The following NR2C1 variants were observed in gnomAD, a reference collection of about 807,000 sequenced individuals.
The protein encoded by NR2C1 is TR2 nuclear hormone receptor.
A neutral mutation model predicts 74.8 loss-of-function variants in NR2C1; 33 were observed. The ratio of observed to expected loss-of-function variants is 0.44; its 90% confidence interval spans 0.33 to 0.59. The LOEUF (loss-of-function observed/expected upper bound fraction) is 0.59. Ranked by LOEUF, NR2C1 falls within the 20% of genes least tolerant of loss-of-function variation. The probability of loss-of-function intolerance (pLI) is 0.02; values close to 1 mark genes in which losing one functional copy is unlikely to be tolerated. For missense variants in NR2C1, 568 were observed against 715.6 expected, an observed-to-expected ratio of 0.79 and a Z score of 2.35; for synonymous variants, 225 against 240.6, an observed-to-expected ratio of 0.94 and a Z score of 0.60.
chr12:95,022,854 C>T (rs1287472694), intron 13 of NR2C1, among the ~76,000 whole-genome samples: 1 of 151,088 alleles, frequency 6.6e-6, no homozygotes, highest in African/African-American at 2.4e-5. Flanking sequence ...GCCACTATAC[C>T]TGGCTAATTG....
At position 95,020,916 on chromosome 12, in the gene NR2C1, G is replaced by A. The variant is rs1868714199; in HGVS notation, c.*1313C>T. 1 of 152,172 alleles carries A rather than the reference G, an allele frequency of 6.6e-6. No individual in the cohort carries two copies. The highest frequency in any genetic ancestry group is 6.5e-5 in the Admixed American group (1 of 15,276). 9.4% of individuals were successfully genotyped at this position (152,172 alleles called of 1,614,324 possible). A position where few individuals can be genotyped will look rare whatever the true frequency, so the allele number is the denominator to read the frequency against. ...CCGTGCTTTACAGTGAAAAAAATCA[G>A]TGAATATTTCTTTATTTTAAAAAAT... is the stretch of plus-strand genomic sequence containing the variant. On this transcript the variant is annotated 3_prime_UTR_variant, in exon 14 of 14. Transcript: ENST00000333003.
intron 9 of NR2C1, among the ~76,000 whole-genome samples, chr12:95,044,398 G>T (rs546274774): frequency 3.3e-5 from 5 of 151,482 alleles, no homozygotes; most frequent in African/African-American, 1.2e-4. Context: ...CTCCTGAGTA[G>T]CTGGGATTAC....
intron 2 of NR2C1, among the ~76,000 whole-genome samples, chr12:95,065,067 G>T (rs1480870217): frequency 9.9e-5 from 15 of 152,178 alleles, no homozygotes; most frequent in Admixed American, 9.8e-4. Context: ...CATAATAATT[G>T]TAATAATTGA....
intron 11 of NR2C1, chr12:95,030,735 C>A: frequency 6.2e-7 from 1 of 1,605,602 alleles, no homozygotes; most frequent in South Asian, 1.1e-5. Flanking sequence ...TAAATTATTC[C>A]TGAGCTCAAA....
At chr12:95,064,824 G>T (rs934299867) in intron 2 of NR2C1, among the ~76,000 whole-genome samples, 1 of 152,088 alleles carries the variant, frequency 6.6e-6, no homozygotes, top group Non-Finnish European at 1.5e-5. Context: ...TGTTCCTTCT[G>T]TACCAAATTT....
chr12:95,037,309 A>G (rs1459072171), intron 10 of NR2C1, among the ~76,000 whole-genome samples: 1 of 152,262 alleles, frequency 6.6e-6, no homozygotes, highest in Non-Finnish European at 1.5e-5. Flanking sequence ...TACTCTAAGT[A>G]CTGAAACTAC....
At chr12:95,024,962 A>G (rs1869174426) in intron 13 of NR2C1, among the ~76,000 whole-genome samples, 188 bp downstream of exon 13, 1 of 152,242 alleles carries the variant, frequency 6.6e-6, no homozygotes, top group African/African-American at 2.4e-5. Context: ...TATAAAAAAT[A>G]TAAGAACTGG....
intron 1 of NR2C1, chr12:95,072,503 ACAG>A (rs568151873): frequency 6.6e-6 from 1 of 151,464 alleles, no homozygotes; most frequent in East Asian, 2.0e-4. Flanking sequence ...CACCAACCAC[ACAG>A]CAGAAATGGT....
chr12:95,057,618 T>C lies in NR2C1; in HGVS notation c.718A>G (p.Met240Val). The C allele has an allele frequency of 6.2e-7, 1 of 1,614,084 alleles. No homozygotes were observed. Among genetic ancestry groups the C allele is most frequent in the Non-Finnish European group, 8.5e-7 (1 of 1,179,984 alleles). ...TRSTGLLDSG[M>V]FMNIHPSGVK... ...CCAGATGGATGAATATTCATGAACA[T>C]TCCTGAATCTAACAGTCCTGTTGAC... The change falls in exon 7 of 14, where the codon ATG (methionine) becomes GTG (valine). Residue 240 changes from methionine (M) to valine (V), a missense_variant. By Grantham distance (21) the Met-to-Val change is conservative. Coordinates refer to ENST00000333003, the MANE Select transcript of NR2C1 (RefSeq NM_003297.4).
intron 1 of NR2C1, chr12:95,073,150 C>T (rs1357349515): frequency 6.5e-6 from 1 of 153,398 alleles, no homozygotes; most frequent in African/African-American, 2.4e-5. Flanking sequence ...CCCGCCGCCC[C>T]TGTCGCCCCC....
At chr12:95,033,770 G>C (rs906743686) in intron 10 of NR2C1, among the ~76,000 whole-genome samples, 6 of 152,160 alleles carry the variant, frequency 3.9e-5, no homozygotes, top group African/African-American at 1.4e-4. Flanking sequence ...CTGTATCTCA[G>C]AGACCAATGC....
chr12:95,033,086 G>A (rs1016480784), intron 10 of NR2C1, among the ~76,000 whole-genome samples: 17 of 151,156 alleles, frequency 1.1e-4, no homozygotes, highest in African/African-American at 4.1e-4. Context: ...AGCACACCAT[G>A]ATTGCATCTG....
chr12:95,036,357 G>A (rs1870828885), intron 10 of NR2C1, among the ~76,000 whole-genome samples: 2 of 151,092 alleles, frequency 1.3e-5, no homozygotes, highest in South Asian at 4.2e-4. Context: ...AGAATTGCTT[G>A]AGGCAAGGAG....
At chr12:95,053,679 G>GTTTTTT in intron 7 of NR2C1, among the ~76,000 whole-genome samples, 4 of 122,950 alleles carry the variant, frequency 3.3e-5, no homozygotes, top group Admixed American at 1.6e-4. Context: ...TTTCTTTTTG[G>GTTTTTT]TGTTTTTTTT....
intron 10 of NR2C1, 126 bp from the exon 11 acceptor site, chr12:95,031,614 G>T: frequency 1.5e-6 from 1 of 665,656 alleles, no homozygotes; most frequent in Non-Finnish European, 2.2e-6. Flanking sequence ...AAAGATTTGA[G>T]CAAGTCTGTG....
At chr12:95,065,332 G>A (rs1342837720) in intron 2 of NR2C1, among the ~76,000 whole-genome samples, 2 of 152,002 alleles carry the variant, frequency 1.3e-5, no homozygotes, top group Non-Finnish European at 2.9e-5. Context: ...ACAGGCGCCC[G>A]CCACCCCACC....
chr12:95,037,955 T>C (rs1337213234), intron 10 of NR2C1, among the ~76,000 whole-genome samples: 1 of 151,836 alleles, frequency 6.6e-6, no homozygotes, highest in Non-Finnish European at 1.5e-5. Context: ...ATAGCTTTTA[T>C]TTCCATATAA....
At chr12:95,069,170 A>C (rs761775530) in intron 1 of NR2C1, among the ~76,000 whole-genome samples, 1 of 152,248 alleles carries the variant, frequency 6.6e-6, no homozygotes, top group African/African-American at 2.4e-5. Flanking sequence ...ATAAACAAAT[A>C]AGAAATCTCT....
Position 95,051,909 on chromosome 12 carries a change from G to C in NR2C1, c.818C>G (p.Ala273Gly). The C allele has an allele frequency of 6.3e-7, 1 of 1,599,448 alleles. No individual in the cohort carries two copies. Among genetic ancestry groups the C allele is most frequent in the Non-Finnish European group, 8.5e-7 (1 of 1,176,276 alleles). Residue 273 changes from alanine to glycine, a missense_variant, in exon 8 of 14, where the codon GCC becomes GGC. Coordinates refer to ENST00000333003, the MANE Select transcript of NR2C1 (RefSeq NM_003297.4). ...ATTCGCTAATGATGTAACCACATTG[G>C]CCAATGTACTTAAATCTCCCTGACA... is the stretch of plus-strand genomic sequence containing the variant. ...ESCQGDLSTL[A>G]NVVTSLANLG...
Sources: allele counts gnomAD v4.1 joint callset (sites outside exome capture counted in the v4.1 genomes callset), GRCh38; gene constraint gnomAD v4.1.1; transcripts MANE v1.5; gene names NCBI Gene and HGNC (gene_info 2026-07-23, HGNC 2026-07-21).